The following EMG1 variants were observed in gnomAD, a reference collection of about 807,000 sequenced individuals.
EMG1 encodes EMG1 N1-specific pseudouridine methyltransferase, also known as ribosomal RNA small subunit methyltransferase NEP1.
Under a neutral mutation model 26.9 loss-of-function variants are expected in EMG1, and 24 were observed. The ratio of observed to expected loss-of-function variants is 0.89; its 90% confidence interval spans 0.65 to 1.26. The LOEUF is 1.26. Among genes scored for constraint, EMG1 ranks in the 50% most tolerant of loss-of-function variants. The pLI is 0.00. For synonymous variants in EMG1, 140 were observed against 112.6 expected (o/e 1.24, Z -1.54); for missense variants, 299 against 307.6 (o/e 0.97, Z 0.21).
Position 6,977,896 on chromosome 12 carries a change from A to ATTACTTTT in EMG1, c.*2088_*2095dup. 1 of 883,128 alleles carries ATTACTTTT rather than the reference A, an allele frequency of 1.1e-6. No homozygotes were observed. The highest frequency in any genetic ancestry group is 1.7e-6 in the Non-Finnish European group (1 of 572,354). The allele number at this position is 883,128 out of a possible 1,614,324, so 54.7% of individuals were successfully genotyped here. On this transcript the variant is annotated 3_prime_UTR_variant, in exon 6 of 6. Coordinates refer to ENST00000599672, the MANE Select transcript of EMG1 (RefSeq NM_006331.8). This position sits in a 1 kb window ranked among gnomAD's most constrained non-coding sequence, Gnocchi z 4.5. ...AGGGTACAGGAGGCAGTGCTGACTGATTACTTTTAGAGATGGAAAGCAGAC... is the reference window on the plus strand; with the variant it reads ...AGGGTACAGGAGGCAGTGCTGACTGATTACTTTTTTACTTTTAGAGATGGAAAGCAGAC...
intron 6 of EMG1, among the ~76,000 whole-genome samples, chr12:6,985,253 G>A (rs1946510908): frequency 1.3e-5 from 2 of 151,906 alleles, no homozygotes; most frequent in Non-Finnish European, 1.5e-5. Flanking sequence ...AAAATTAGCC[G>A]GGTGTGGTGG....
At chr12:6,995,632 T>C (rs1555155949) in intron 7 of EMG1, among the ~76,000 whole-genome samples, 2 of 152,160 alleles carry the variant, frequency 1.3e-5, no homozygotes, top group African/African-American at 4.8e-5. Context: ...AAAACCCTTA[T>C]GGATCTCACC....
Position 6,970,997 on chromosome 12 carries a change from T to C in EMG1, c.74T>C (p.Leu25Pro), listed in dbSNP as rs1555152130. 1.2e-6 allele frequency: 2 copies of C among 1,612,282 alleles called. No homozygotes were observed. Among genetic ancestry groups the C allele is most frequent in the African/African-American group, 1.3e-5 (1 of 74,990 alleles). Residue 25 changes from leucine to proline, a missense_variant, in exon 1 of 6, where the codon CTG becomes CCG. Transcript: ENST00000599672. ...GGEQAQDWDA[L>P]PPKRPRLGAG... The stretch of plus-strand genomic sequence containing the variant: ...GAGCAGGCACAGGACTGGGATGCTC[T>C]GCCACCCAAGCGGCCCCGACTAGGG...
intron 4 of EMG1, 31 bp downstream of exon 4, chr12:6,975,179 T>C (rs781905678): frequency 6.2e-7 from 1 of 1,613,972 alleles, no homozygotes; most frequent in Non-Finnish European, 8.5e-7. Flanking sequence ...AGTTGAAGGC[T>C]GGTTCTGGGA....
downstream of EMG1, among the ~76,000 whole-genome samples, chr12:6,991,708 G>T (rs1946591552): frequency 6.6e-6 from 1 of 152,202 alleles, no homozygotes; most frequent in Non-Finnish European, 1.5e-5. Flanking sequence ...TCTGCCAGAT[G>T]CCTAAGTCTA....
chr12:6,985,352 C>T (rs1376811578), intron 6 of EMG1, among the ~76,000 whole-genome samples: 1 of 148,592 alleles, frequency 6.7e-6, no homozygotes, highest in African/African-American at 2.5e-5. Flanking sequence ...GCTGAGATGG[C>T]ACCACTGCAC....
chr12:6,990,315 C>G (rs1946575840), downstream of EMG1, among the ~76,000 whole-genome samples: 1 of 151,310 alleles, frequency 6.6e-6, no homozygotes, highest in Non-Finnish European at 1.5e-5. Context: ...CGAGACCATC[C>G]TGGTTAACAT....
Position 6,979,490 on chromosome 12 carries a change from A to C in EMG1, c.*3681A>C. The C allele has an allele frequency of 6.2e-7, 1 of 1,612,844 alleles. No individual in the cohort carries two copies. The highest frequency in any genetic ancestry group is 8.5e-7 in the Non-Finnish European group (1 of 1,178,844). On this transcript the variant is annotated 3_prime_UTR_variant, in exon 6 of 6. Transcript: ENST00000599672. ...ACTCACGTCATAGTCTTCAGTGAGG[A>C]GATAGTCTTCTGTGATGTGGGGGCT...
chr12:6,972,937 A>G (rs1591706773), intron 1 of EMG1, among the ~76,000 whole-genome samples: 1 of 151,654 alleles, frequency 6.6e-6, no homozygotes, highest in South Asian at 2.1e-4. Flanking sequence ...TCCCTGGCTC[A>G]AGCAGTCCTC....
downstream of EMG1, among the ~76,000 whole-genome samples, chr12:6,990,402 G>A (rs898673211): frequency 1.5e-4 from 22 of 149,592 alleles, no homozygotes; most frequent in Non-Finnish European, 2.8e-4. Context: ...CCAGCTACTC[G>A]GGAGGCTGAG....
At chr12:6,983,392 C>T, downstream of EMG1, 2 of 1,350,288 alleles carry the variant, frequency 1.5e-6, no homozygotes, top group Admixed American at 1.8e-5. Flanking sequence ...CTTCCAGGTT[C>T]CCACTAATTG....
downstream of EMG1, chr12:6,981,579 A>G (rs782662014): frequency 4.3e-6 from 7 of 1,613,738 alleles, no homozygotes; most frequent in East Asian, 1.3e-4. Flanking sequence ...CTCTCTGCCG[A>G]TGAATGGGTA....
Position 6,977,934 on chromosome 12 carries a change from T to C in EMG1, c.*2125T>C. 1.5e-6 allele frequency: 1 copy of C among 652,286 alleles called. No homozygotes were observed. The highest frequency in any genetic ancestry group is 2.6e-6 in the Non-Finnish European group (1 of 386,956). The allele number at this position is 652,286 out of a possible 1,614,324, so 40.4% of individuals were successfully genotyped here. A position where few individuals can be genotyped will look rare whatever the true frequency, so the allele number is the denominator to read the frequency against. ...ATGGAAAGCAGACCCAAGGCGGAGC[T>C]GGAGACCGTGTGCGCACGAGCCACT... is the stretch of plus-strand genomic sequence containing the variant. On this transcript the variant is annotated 3_prime_UTR_variant, in exon 6 of 6. Coordinates refer to ENST00000599672, the MANE Select transcript of EMG1 (RefSeq NM_006331.8). The surrounding 1 kb of genome is among the most constrained non-coding windows in gnomAD (Gnocchi z 4.5).
chr12:6,980,482 T>C (rs1288374191), downstream of EMG1, among the ~76,000 whole-genome samples: 3 of 152,126 alleles, frequency 2.0e-5, no homozygotes, highest in South Asian at 4.1e-4. Flanking sequence ...CAGCCTCCTA[T>C]GTAGCTTGGA....
chr12:6,992,370 A>G (rs1171179391), downstream of EMG1, among the ~76,000 whole-genome samples: 1 of 152,060 alleles, frequency 6.6e-6, no homozygotes, highest in Non-Finnish European at 1.5e-5. Flanking sequence ...AACGATTCTT[A>G]AGTGAAACTG....
chr12:6,971,236 G>C, intron 1 of EMG1, 145 bp downstream of exon 1: 1 of 629,584 alleles, frequency 1.6e-6, no homozygotes, highest in Non-Finnish European at 2.8e-6. Context: ...GCTTTGCGTT[G>C]ATTTGACATC....
At position 6,977,267 on chromosome 12, in the gene EMG1, GGA is replaced by G; in HGVS notation, c.*1466_*1467del. ...GAAATAGATGGATTTATACACCTGT[GGA>G]GAGAGAGGCCACTAAGGTAGACAGG... On this transcript the variant is annotated 3_prime_UTR_variant, in exon 6 of 6. Coordinates refer to ENST00000599672, the MANE Select transcript of EMG1 (RefSeq NM_006331.8). This position sits in a 1 kb window ranked among gnomAD's most constrained non-coding sequence, Gnocchi z 4.5. 2 of 1,611,008 alleles carry G rather than the reference GGA, an allele frequency of 1.2e-6. No individual in the cohort carries two copies. Among genetic ancestry groups the G allele is most frequent in the South Asian group, 1.1e-5 (1 of 91,012 alleles).
chr12:6,979,837 C>A lies in EMG1; in HGVS notation c.*4028C>A. ...CAGTGGACCAGTCTTGTGTTTACCC[C>A]TCAGGGATGCTACTGATCTCAAGGT... On this transcript the variant is annotated 3_prime_UTR_variant, in exon 6 of 6. Transcript: ENST00000599672. 1 of 476,048 alleles carries A rather than the reference C, an allele frequency of 2.1e-6. No homozygotes were observed. Among genetic ancestry groups the A allele is most frequent in the Non-Finnish European group, 3.8e-6 (1 of 263,192 alleles). 29.5% of individuals were successfully genotyped at this position (476,048 alleles called of 1,614,324 possible).
chr12:6,973,829 A>G (rs1406287052), intron 1 of EMG1, among the ~76,000 whole-genome samples: 1 of 152,274 alleles, frequency 6.6e-6, no homozygotes, highest in Non-Finnish European at 1.5e-5. Flanking sequence ...GGCGTGAGCC[A>G]CCACGCCCGG....
Sources: gnomAD v4.1 joint callset for allele counts (sites outside exome capture counted in the v4.1 genomes callset) on GRCh38, gnomAD v4.1.1 for gene constraint, Gnocchi (gnomAD v3.1) non-coding constraint, MANE v1.5 for transcripts, NCBI Gene and HGNC (gene_info 2026-07-23, HGNC 2026-07-21) for gene names.